The following SCGB1A1 variants were observed in gnomAD, a reference collection of about 807,000 sequenced individuals.
The protein encoded by SCGB1A1 is secretoglobin family 1A member 1, also known as uteroglobin.
Under a neutral mutation model 7.5 loss-of-function variants are expected in SCGB1A1, and 8 were observed. That is an observed-to-expected ratio of 1.07 (90% confidence interval 0.63 to 1.92). The LOEUF (loss-of-function observed/expected upper bound fraction) is 1.92. Ranked by LOEUF, SCGB1A1 falls within the 30% of genes most tolerant of loss-of-function variation. The probability of loss-of-function intolerance (pLI) is 0.00; values close to 1 mark genes in which losing one functional copy is unlikely to be tolerated. For synonymous variants in SCGB1A1, 44 were observed against 40.8 expected (o/e 1.08, Z -0.30); for missense variants, 121 against 112.7 (o/e 1.07, Z -0.33).
At chr11:62,421,565 GCAGTGACGAGATCT>G (rs1937792984) in intron 1 of SCGB1A1, among the ~76,000 whole-genome samples, 1 of 151,994 alleles carries the variant, frequency 6.6e-6, no homozygotes, top group African/African-American at 2.4e-5. Flanking sequence ...AGGCTGGAGT[GCAGTGACGAGATCT>G]CAGCTCACTG....
chr11:62,420,978 A>T (rs928992387), intron 1 of SCGB1A1, among the ~76,000 whole-genome samples: 6 of 151,936 alleles, frequency 3.9e-5, no homozygotes, highest in African/African-American at 1.4e-4. Context: ...TTAAATTAAA[A>T]TTTAAAAAAT....
chr11:62,421,491 T>G (rs868128165), intron 1 of SCGB1A1, among the ~76,000 whole-genome samples: 2 of 148,736 alleles, frequency 1.3e-5, no homozygotes, highest in Non-Finnish European at 3.0e-5. Flanking sequence ...TTTTCTTTTC[T>G]CTTGCTTGCT....
intron 1 of SCGB1A1, among the ~76,000 whole-genome samples, chr11:62,420,314 C>CTTTTTTTTTTT: frequency 7.7e-6 from 1 of 129,480 alleles, no homozygotes; most frequent in Non-Finnish European, 1.6e-5. Context: ...TCTTTTCATT[C>CTTTTTTTTTTT]TTTTTTTTTT....
intron 2 of SCGB1A1, among the ~76,000 whole-genome samples, chr11:62,422,673 C>T (rs1204685837): frequency 4.7e-5 from 7 of 148,126 alleles, no homozygotes; most frequent in Non-Finnish European, 1.0e-4. Context: ...CTCCCAGGTT[C>T]AAGCGATTCT....
chr11:62,419,084 C>T lies in SCGB1A1; in HGVS notation c.-12C>T. ...GAACCAGAGACGGGCCAGAGCATCC[C>T]CCTCCTCCACCATGAAACTCGCTGT... On this transcript the variant is annotated 5_prime_UTR_variant, in exon 1 of 3. Coordinates refer to ENST00000278282, the MANE Select transcript of SCGB1A1 (RefSeq NM_003357.5). 6.3e-7 allele frequency: 1 copy of T among 1,584,876 alleles called. No homozygotes were observed. The highest frequency in any genetic ancestry group is 8.6e-7 in the Non-Finnish European group (1 of 1,163,246).
intron 1 of SCGB1A1, among the ~76,000 whole-genome samples, chr11:62,421,637 G>A (rs1298116890): frequency 6.6e-6 from 1 of 151,964 alleles, no homozygotes; most frequent in African/African-American, 2.4e-5. Flanking sequence ...TCAGCCTCCT[G>A]AGTAGCTAGG....
At position 62,419,168 on chromosome 11, in the gene SCGB1A1, C is replaced by T; in HGVS notation, c.55+18C>T. ...CAGCTCCGGTGAGTGCTCAGAGACCCTTCCCTCCCTCCTGGACTTAGGAAC... is the reference window on the plus strand; with the variant it reads ...CAGCTCCGGTGAGTGCTCAGAGACCTTTCCCTCCCTCCTGGACTTAGGAAC... On this transcript the variant is annotated intron_variant, in intron 1 of 2. Coordinates refer to ENST00000278282, the MANE Select transcript of SCGB1A1 (RefSeq NM_003357.5). 6.6e-7 allele frequency: 1 copy of T among 1,511,560 alleles called. No homozygotes were observed. The allele number at this position is 1,511,560 out of a possible 1,614,324, so 93.6% of individuals were successfully genotyped here.
rs796176775 is a variant in SCGB1A1, at chr11:62,422,152, C to G, written c.56-69C>G. On this transcript the variant is annotated intron_variant, in intron 1 of 2. Transcript: ENST00000278282. ...GCCTGGCTGTTTGCATCTGGGCAGA[C>G]CCAGCCAGAGGGCTAGCCAGCTTGG... The G allele has an allele frequency of 2.8e-6, 4 of 1,423,988 alleles. No individual in the cohort carries two copies. The African/African-American group carries it at 4.3e-5, about 15-fold the overall frequency. 88.2% of individuals were successfully genotyped at this position (1,423,988 alleles called of 1,614,324 possible). A position where few individuals can be genotyped will look rare whatever the true frequency, so the allele number is the denominator to read the frequency against.
rs546007150 is a variant in SCGB1A1, at chr11:62,422,138, T to C, written c.56-83T>C. ...TCTCTCGCTGATGGGCCTGGCTGTTTGCATCTGGGCAGACCCAGCCAGAGG... is the reference window on the plus strand; with the variant it reads ...TCTCTCGCTGATGGGCCTGGCTGTTCGCATCTGGGCAGACCCAGCCAGAGG... On this transcript the variant is annotated intron_variant, in intron 1 of 2. Transcript: ENST00000278282. 6 of 1,185,834 alleles carry C rather than the reference T, an allele frequency of 5.1e-6. No homozygotes were observed. In the African/African-American group the frequency reaches 9.2e-5, roughly 18 times the overall value. The allele number at this position is 1,185,834 out of a possible 1,614,324, so 73.5% of individuals were successfully genotyped here. A position where few individuals can be genotyped will look rare whatever the true frequency, so the allele number is the denominator to read the frequency against.
chr11:62,419,911 G>C (rs1458277030), intron 1 of SCGB1A1, among the ~76,000 whole-genome samples: 1 of 152,128 alleles, frequency 6.6e-6, no homozygotes, highest in Admixed American at 6.6e-5. Context: ...CTCTGCGTCA[G>C]CCTCTTCCAT....
At position 62,423,039 on chromosome 11, in the gene SCGB1A1, T is replaced by C; in HGVS notation, c.244-20T>C. The C allele has an allele frequency of 6.2e-7, 1 of 1,612,758 alleles. No homozygotes were observed. The highest frequency in any genetic ancestry group is 1.6e-4 in the Middle Eastern group (1 of 6,062). ...CACTGTTGTATTGGGTTTTTCTGTTTCTTTGTCTATTTGTTTTAGGAAAAA... is the reference window on the plus strand; with the variant it reads ...CACTGTTGTATTGGGTTTTTCTGTTCCTTTGTCTATTTGTTTTAGGAAAAA... On this transcript the variant is annotated intron_variant, in intron 2 of 2. Transcript: ENST00000278282.
rs778323463 is a variant in SCGB1A1, at chr11:62,422,351, G to A, written c.186G>A (p.Leu62=). The A allele has an allele frequency of 1.1e-5, 17 of 1,613,982 alleles. No individual in the cohort carries two copies. Among genetic ancestry groups the A allele is most frequent in the Non-Finnish European group, 1.4e-5 (16 of 1,179,988 alleles). Reference sequence around the variant, plus strand: ...ACATGAGGGAGGCAGGGGCTCAGCTGAAGAAGCTGGTGGACACCCTCCCCC... The same window carrying A: ...ACATGAGGGAGGCAGGGGCTCAGCTAAAGAAGCTGGTGGACACCCTCCCCC... The part of the protein sequence containing the change: ...DQDMREAGAQ[L]KKLVDTLPQK... The change falls in exon 2 of 3, where the codon CTG becomes CTA. Residue 62 remains leucine (L), a synonymous_variant. Transcript: ENST00000278282.
intron 1 of SCGB1A1, among the ~76,000 whole-genome samples, chr11:62,419,879 G>A (rs982367866): frequency 1.1e-4 from 16 of 152,102 alleles, no homozygotes; most frequent in African/African-American, 3.6e-4. Flanking sequence ...TGGGGAACTG[G>A]GTTATCTAAC....
rs1308183493 is a variant in SCGB1A1, at chr11:62,422,086, T to C, written c.56-135T>C. On this transcript the variant is annotated intron_variant, in intron 1 of 2. Transcript: ENST00000278282. ...CTCGGGCAATCCACAAATCTTACAC[T>C]CTAGTCCATCGATGAAAAGGCTGCT... 2.8e-5 allele frequency: 18 copies of C among 632,958 alleles called. No homozygotes were observed. The South Asian group carries it at 4.8e-4, about 17-fold the overall frequency. 39.2% of individuals were successfully genotyped at this position (632,958 alleles called of 1,614,324 possible).
At position 62,419,105 on chromosome 11, in the gene SCGB1A1, G is replaced by T. The variant is rs760296284; in HGVS notation, c.10G>T (p.Ala4Ser). 1.9e-6 allele frequency: 3 copies of T among 1,582,238 alleles called. No homozygotes were observed. The change falls in exon 1 of 3, where the codon GCT (alanine) becomes TCT (serine). Residue 4 changes from alanine to serine, a missense_variant. Physicochemically the swap from Ala to Ser is moderately conservative, Grantham distance 99. Coordinates refer to ENST00000278282, the MANE Select transcript of SCGB1A1 (RefSeq NM_003357.5). ...ATCCCCCTCCTCCACCATGAAACTC[G>T]CTGTCACCCTCACCCTGGTCACACT... MKL[A>S]VTLTLVTLAL...
intron 1 of SCGB1A1, among the ~76,000 whole-genome samples, chr11:62,421,498 T>C (rs1937790971): frequency 6.6e-6 from 1 of 151,640 alleles, no homozygotes; most frequent in African/African-American, 2.4e-5. Flanking sequence ...TTCTCTTGCT[T>C]GCTTGCTTGC....
intron 1 of SCGB1A1, among the ~76,000 whole-genome samples, chr11:62,420,194 G>A (rs4963506): frequency 0.16 from 23,962 of 152,022 alleles, 2,373 homozygotes; most frequent in South Asian, 0.33. Context: ...ACTGCAACAT[G>A]TTAAGGGGTG....
chr11:62,419,135 C>A lies in SCGB1A1; in HGVS notation c.40C>A (p.Leu14Ile). ...CACCCTCACCCTGGTCACACTGGCT[C>A]TCTGCTGCAGCTCCGGTGAGTGCTC... The part of the protein sequence containing the change: ...AVTLTLVTLA[L>I]CCSSASAEIC... Residue 14 changes from leucine to isoleucine, a missense_variant, in exon 1 of 3, where the codon CTC becomes ATC. By Grantham distance (5) the Leu-to-Ile change is conservative. Coordinates refer to ENST00000278282, the MANE Select transcript of SCGB1A1 (RefSeq NM_003357.5). 1.9e-6 allele frequency: 3 copies of A among 1,578,142 alleles called. No homozygotes were observed. The highest frequency in any genetic ancestry group is 1.7e-6 in the Non-Finnish European group (2 of 1,158,826).
intron 1 of SCGB1A1, among the ~76,000 whole-genome samples, chr11:62,420,988 TA>T (rs1565187698): frequency 6.6e-6 from 1 of 151,292 alleles, no homozygotes; most frequent in Non-Finnish European, 1.5e-5. Context: ...ATTTAAAAAA[TA>T]AAAAATAAAA....
Sources: allele counts gnomAD v4.1 joint callset (sites outside exome capture counted in the v4.1 genomes callset), GRCh38; gene constraint gnomAD v4.1.1; transcripts MANE v1.5; gene names NCBI Gene and HGNC (gene_info 2026-07-23, HGNC 2026-07-21).